The following COL4A4 variants were observed in gnomAD, a reference collection of about 807,000 sequenced individuals.
COL4A4 encodes the protein collagen alpha-4(IV) chain.
Under a neutral mutation model 192.9 loss-of-function variants are expected in COL4A4, and 105 were observed. The ratio of observed to expected loss-of-function variants is 0.54; its 90% CI spans 0.46 to 0.64. The LOEUF is 0.64. COL4A4 is among the 30% of genes least tolerant of loss of function. COL4A4 has a pLI of 0.00. For synonymous variants in COL4A4, 762 were observed against 769.9 expected (o/e 0.99, Z 0.17); for missense variants, 1,967 against 2,169.3 (o/e 0.91, Z 1.85).
chr2:227,097,244 G>C (rs185235350), intron 19 of COL4A4, among the ~76,000 whole-genome samples: 174 of 152,302 alleles, frequency 1.1e-3, no homozygotes, highest in African/African-American at 4.1e-3. Context: ...CCCAACTGTA[G>C]AGCATGAAGT....
chr2:227,069,371 T>C (rs1229984052), intron 25 of COL4A4, among the ~76,000 whole-genome samples: 1 of 152,124 alleles, frequency 6.6e-6, no homozygotes, highest in Non-Finnish European at 1.5e-5. Context: ...AAAACTACTT[T>C]AAAGTTCATA....
chr2:227,049,040 CTT>C (rs1973494158), intron 34 of COL4A4, among the ~76,000 whole-genome samples: 3 of 152,110 alleles, frequency 2.0e-5, no homozygotes, highest in Non-Finnish European at 2.9e-5. Context: ...TTTCTTTTAA[CTT>C]ATATCAAAAT....
At chr2:227,075,335 A>G (rs371757901) in intron 25 of COL4A4, among the ~76,000 whole-genome samples, 17 of 152,226 alleles carry the variant, frequency 1.1e-4, no homozygotes, top group African/African-American at 3.6e-4. Context: ...CTGGTTCAAC[A>G]TATGCAAATC....
At chr2:227,071,584 T>C (rs973617742) in intron 25 of COL4A4, among the ~76,000 whole-genome samples, 2 of 152,032 alleles carry the variant, frequency 1.3e-5, no homozygotes, top group East Asian at 3.9e-4. Flanking sequence ...CTACCCAAGA[T>C]CTGCAGGATA....
At chr2:227,091,117 A>G (rs1193033061) in intron 20 of COL4A4, among the ~76,000 whole-genome samples, 1 of 151,952 alleles carries the variant, frequency 6.6e-6, no homozygotes, top group Non-Finnish European at 1.5e-5. Context: ...TAGAAGAAAC[A>G]CGCATCACAG....
At chr2:227,000,814 A>C (rs1179888750), downstream of COL4A4, among the ~76,000 whole-genome samples, 4 of 151,648 alleles carry the variant, frequency 2.6e-5, no homozygotes, top group African/African-American at 9.7e-5. Context: ...TCATGGGGGA[A>C]CGTCTTTCCC....
At chr2:227,109,492 T>C (rs2150882219) in intron 9 of COL4A4, 1 of 693,176 alleles carries the variant, frequency 1.4e-6, no homozygotes, top group East Asian at 2.7e-5. Context: ...TTCACACCTG[T>C]AATCCCAGCA....
chr2:227,062,990 G>C (rs1296717397), intron 25 of COL4A4, among the ~76,000 whole-genome samples: 1 of 152,142 alleles, frequency 6.6e-6, no homozygotes, highest in Admixed American at 6.5e-5. Context: ...GAGAAGTCTC[G>C]ATAAATCATA....
chr2:227,020,985 C>T (rs1396466388), intron 44 of COL4A4, among the ~76,000 whole-genome samples: 16 of 149,690 alleles, frequency 1.1e-4, no homozygotes, highest in African/African-American at 4.0e-4. Context: ...CCTGTCTCAG[C>T]CTCCCAGGTG....
At chr2:227,153,427 T>C (rs2064100897) in intron 1 of COL4A4, among the ~76,000 whole-genome samples, 1 of 152,234 alleles carries the variant, frequency 6.6e-6, no homozygotes, top group Non-Finnish European at 1.5e-5. Flanking sequence ...TCTACAGTTG[T>C]GTCAGAGCCC....
At chr2:227,024,163 T>A (rs1212533361) in intron 43 of COL4A4, among the ~76,000 whole-genome samples, 2 of 152,190 alleles carry the variant, frequency 1.3e-5, no homozygotes, top group African/African-American at 2.4e-5. Context: ...TCAGACTGCA[T>A]CAGGAACTCT....
chr2:226,995,178 A>C, the COL4A4 span, among the ~76,000 whole-genome samples: 2 of 152,352 alleles, frequency 1.3e-5, no homozygotes, highest in East Asian at 3.9e-4. Context: ...GGAAGGAAAA[A>C]TACAAGTGGG....
At chr2:227,001,497 A>T (rs1575654029), downstream of COL4A4, among the ~76,000 whole-genome samples, 1 of 152,262 alleles carries the variant, frequency 6.6e-6, no homozygotes, top group East Asian at 1.9e-4. Context: ...AACCCGTAAA[A>T]CAAGGGGCTT....
In COL4A4 at chr2:227,054,608, A is replaced by C. The variant is rs779716354; in HGVS notation, c.2846T>G (p.Leu949Arg). 8 of 1,614,132 alleles carry C rather than the reference A, an allele frequency of 5.0e-6. No individual in the cohort carries two copies. The highest frequency in any genetic ancestry group is 6.8e-6 in the Non-Finnish European group (8 of 1,179,992). The change falls in exon 31 of 48, where the codon CTG becomes CGG. Residue 949 changes from leucine to arginine, a missense_variant. Physicochemically the swap from Leu to Arg is moderately radical, Grantham distance 102. Transcript: ENST00000396625. Reference protein sequence around the residue: ...GMSGLPGDRGLRGAKGAIGPP... With the variant: ...GMSGLPGDRGRRGAKGAIGPP... Reference sequence around the variant, plus strand: ...ATTTTATTTACCTTTGGCCCCTCTCAGTCCCCGGTCTCCAGGAAGGCCAGA... The same window carrying C: ...ATTTTATTTACCTTTGGCCCCTCTCCGTCCCCGGTCTCCAGGAAGGCCAGA...
intron 37 of COL4A4, among the ~76,000 whole-genome samples, chr2:227,033,947 C>T (rs750546959): frequency 1.2e-4 from 19 of 152,208 alleles, no homozygotes; most frequent in Admixed American, 5.9e-4. Context: ...TGCAGTCAGA[C>T]GAGAGGACGC....
chr2:227,120,943 A>C, intron 5 of COL4A4, 71 bp downstream of exon 5: 1 of 1,605,248 alleles, frequency 6.2e-7, no homozygotes, highest in Non-Finnish European at 8.5e-7. Context: ...TCTAAAAAAA[A>C]CAAAAACAAA....
At chr2:227,027,749 T>C (rs1275409096) in intron 42 of COL4A4, 153 bp downstream of exon 42, 8 of 600,856 alleles carry the variant, frequency 1.3e-5, no homozygotes, top group Admixed American at 2.4e-5. Context: ...CATGAGACTT[T>C]GTAGTGCGGC....
At chr2:227,044,968 A>C (rs1417287145) in intron 35 of COL4A4, among the ~76,000 whole-genome samples, 1 of 152,234 alleles carries the variant, frequency 6.6e-6, no homozygotes, top group African/African-American at 2.4e-5. Context: ...GGCCAAGGCA[A>C]ACTTTCTGAA....
At chr2:227,086,982 G>T (rs745324751) in intron 22 of COL4A4, among the ~76,000 whole-genome samples, 5 of 152,188 alleles carry the variant, frequency 3.3e-5, no homozygotes, top group Non-Finnish European at 5.9e-5. Context: ...CCTCGGGTTG[G>T]AACCTTATTT....
Sources: gnomAD v4.1 joint callset for allele counts (sites outside exome capture counted in the v4.1 genomes callset) on GRCh38, gnomAD v4.1.1 for gene constraint, MANE v1.5 for transcripts, NCBI Gene and HGNC (gene_info 2026-07-23, HGNC 2026-07-21) for gene names.